SV2C: variants seen among roughly 807,000 people sequenced by gnomAD.
The protein encoded by SV2C is synaptic vesicle glycoprotein 2C.
In SV2C, 49 loss-of-function variants were observed where a neutral mutation model predicts 79.7. That is an observed-to-expected ratio of 0.61 (90% CI 0.49 to 0.78). The LOEUF is 0.78. SV2C is among the 30% of genes least tolerant of loss of function. SV2C has a pLI of 0.00. For synonymous variants in SV2C, 334 were observed against 333.2 expected (o/e 1.00, Z -0.03); for missense variants, 833 against 912.9 (o/e 0.91, Z 1.13).
Position 76,131,736 on chromosome 5 carries a change from A to G in SV2C, c.-15A>G. 2 of 1,571,880 alleles carry G rather than the reference A, an allele frequency of 1.3e-6. No homozygotes were observed. The highest frequency in any genetic ancestry group is 2.3e-5 in the East Asian group (1 of 44,300). On this transcript the variant is annotated 5_prime_UTR_variant, in exon 2 of 13. Coordinates refer to ENST00000502798, the MANE Select transcript of SV2C (RefSeq NM_014979.4). ...AAAATTTCCCATCTTCTCATTGGCC[A>G]TCAGTTGAGATAAGATGGAAGACTC...
the SV2C span, among the ~76,000 whole-genome samples, chr5:75,952,215 A>C: frequency 6.6e-6 from 1 of 151,706 alleles, no homozygotes; most frequent in African/African-American, 2.4e-5. Flanking sequence ...AACTTAACTT[A>C]TTCTGATTTC....
the SV2C span, among the ~76,000 whole-genome samples, chr5:75,906,653 G>C: frequency 6.6e-6 from 1 of 152,124 alleles, no homozygotes; most frequent in African/African-American, 2.4e-5. Context: ...CCACATCTCA[G>C]CTTTCTTTCT....
At chr5:75,980,364 T>C in the SV2C span, among the ~76,000 whole-genome samples, 1 of 152,166 alleles carries the variant, frequency 6.6e-6, no homozygotes, top group African/African-American at 2.4e-5. Flanking sequence ...ACTGATTCTA[T>C]GAGGCCAGCA....
chr5:75,869,608 C>T, the SV2C span, among the ~76,000 whole-genome samples: 1 of 152,204 alleles, frequency 6.6e-6, no homozygotes, highest in Non-Finnish European at 1.5e-5. Flanking sequence ...AGGACAAAGG[C>T]CTGGCTGGCT....
At chr5:76,238,640 C>A (rs1334329308) in intron 4 of SV2C, among the ~76,000 whole-genome samples, 1 of 152,134 alleles carries the variant, frequency 6.6e-6, no homozygotes, top group Non-Finnish European at 1.5e-5. Context: ...CACAGTCAGG[C>A]GTTCTAGCAG....
chr5:75,880,829 C>A, the SV2C span, among the ~76,000 whole-genome samples: 1 of 152,054 alleles, frequency 6.6e-6, no homozygotes, highest in Admixed American at 6.6e-5. Flanking sequence ...TGTATTAGGC[C>A]ATTTTTGCAT....
chr5:76,283,521 C>T (rs1747258828), intron 4 of SV2C, among the ~76,000 whole-genome samples: 1 of 152,078 alleles, frequency 6.6e-6, no homozygotes, highest in Non-Finnish European at 1.5e-5. Flanking sequence ...AAAAGAAGTT[C>T]TTTATATGAA....
At chr5:76,239,619 CTGGCAAGT>C (rs1388886745) in intron 4 of SV2C, among the ~76,000 whole-genome samples, 2 of 152,192 alleles carry the variant, frequency 1.3e-5, no homozygotes, top group Non-Finnish European at 2.9e-5. Context: ...CAAGTTGGTC[CTGGCAAGT>C]TGGTTCATCT....
At chr5:75,857,805 T>C in the SV2C span, among the ~76,000 whole-genome samples, 1 of 152,198 alleles carries the variant, frequency 6.6e-6, no homozygotes, top group Non-Finnish European at 1.5e-5. Context: ...TAATTTTTAT[T>C]GTAGAAATCT....
chr5:76,051,322 G>A, the SV2C span, among the ~76,000 whole-genome samples: 2 of 152,182 alleles, frequency 1.3e-5, no homozygotes, highest in Non-Finnish European at 2.9e-5. Context: ...CACAGTAACT[G>A]TGTAGATGAG....
chr5:75,855,853 C>G, the SV2C span, among the ~76,000 whole-genome samples: 2 of 152,090 alleles, frequency 1.3e-5, no homozygotes, highest in Non-Finnish European at 2.9e-5. Flanking sequence ...AATTATTATT[C>G]ACTATTGTCA....
chr5:76,152,686 T>A (rs972276946), intron 2 of SV2C, among the ~76,000 whole-genome samples: 1 of 152,160 alleles, frequency 6.6e-6, no homozygotes, highest in African/African-American at 2.4e-5. Context: ...TTCCTTTGAT[T>A]TGAGCTGACT....
At chr5:76,352,442 A>T (rs1156368899) in intron 12 of SV2C, among the ~76,000 whole-genome samples, 1 of 152,176 alleles carries the variant, frequency 6.6e-6, no homozygotes, top group Non-Finnish European at 1.5e-5. Flanking sequence ...TAATGAATGG[A>T]TTAACGTTAT....
intron 4 of SV2C, 142 bp from the exon 5 acceptor site, chr5:76,285,020 A>C (rs923464104): frequency 1.6e-6 from 2 of 1,246,742 alleles, no homozygotes; most frequent in African/African-American, 3.0e-5. Flanking sequence ...GCTGGCCACC[A>C]TGGATGATGC....
downstream of SV2C, among the ~76,000 whole-genome samples, chr5:76,336,301 C>G (rs184874472): frequency 2.6e-5 from 4 of 151,772 alleles, no homozygotes; most frequent in Non-Finnish European, 5.9e-5. Context: ...ACGGGGCGGC[C>G]GGGCAGAGAC....
At chr5:76,142,903 C>CTTTTTTTTTTTTTTTTTTTTTTTTTT (rs372569739) in intron 2 of SV2C, among the ~76,000 whole-genome samples, 1 of 134,574 alleles carries the variant, frequency 7.4e-6, no homozygotes, top group Non-Finnish European at 1.6e-5. Flanking sequence ...TTTTCTTTTC[C>CTTTTTTTTTTTTTTTTTTTTTTTTTT]TTTTTTTTTG....
At chr5:76,015,102 T>C in the SV2C span, among the ~76,000 whole-genome samples, 95 of 152,286 alleles carry the variant, frequency 6.2e-4, no homozygotes, top group African/African-American at 2.2e-3. Flanking sequence ...AGAAATGATA[T>C]ATATGTCACT....
At chr5:75,936,274 GTCC>G in the SV2C span, among the ~76,000 whole-genome samples, 2 of 152,254 alleles carry the variant, frequency 1.3e-5, no homozygotes, top group South Asian at 4.1e-4. Flanking sequence ...TCTGGGGACT[GTCC>G]TCCTCTGCTT....
intron 2 of SV2C, among the ~76,000 whole-genome samples, chr5:76,152,319 A>C (rs1300299958): frequency 2.6e-5 from 4 of 152,244 alleles, no homozygotes; most frequent in African/African-American, 9.6e-5. Flanking sequence ...TAACGCTTCT[A>C]ATAACAAAAG....
Sources: allele counts gnomAD v4.1 joint callset (sites outside exome capture counted in the v4.1 genomes callset), GRCh38; gene constraint gnomAD v4.1.1; transcripts MANE v1.5; gene names NCBI Gene and HGNC (gene_info 2026-07-23, HGNC 2026-07-21).